The following PXK variants were observed in gnomAD, a reference collection of about 807,000 sequenced individuals.
PXK encodes the protein PX domain containing serine/threonine kinase like, also known as PX domain-containing protein kinase-like protein.
PXK carries 35 observed loss-of-function variants against 84.7 expected under a neutral mutation model. That is an observed-to-expected ratio of 0.41 (90% confidence interval 0.32 to 0.55). The LOEUF (loss-of-function observed/expected upper bound fraction) is 0.55. Among genes scored for constraint, PXK ranks in the 20% least tolerant of loss-of-function variants. The pLI is 0.21. For missense variants in PXK, 634 were observed against 699.7 expected (o/e 0.91, Z 1.06); for synonymous variants, 253 against 260.8 (o/e 0.97, Z 0.29).
In PXK at chr3:58,400,101, G is replaced by T. The variant is rs144416192; in HGVS notation, c.1181+724G>T. Among the ~76,000 whole-genome samples the T allele has an allele frequency of 6.6e-6, 1 of 152,016 alleles. No individual in the cohort carries two copies. The highest frequency in any genetic ancestry group is 2.4e-5 in the African/African-American group (1 of 41,372). On this transcript the variant is annotated intron_variant, in intron 12 of 17. Coordinates refer to ENST00000356151, the MANE Select transcript of PXK (RefSeq NM_017771.5). This position sits in a 1 kb window ranked among gnomAD's most constrained non-coding sequence, Gnocchi z 4.0. ...TTCCAGCTTCACCACTTCTACCTGG[G>T]TGACCTTAGACAAATTTCCTAACCT...
At chr3:58,387,066 T>C (rs554875674) in intron 4 of PXK, among the ~76,000 whole-genome samples, 156 of 152,314 alleles carry the variant, frequency 1.0e-3, no homozygotes, top group African/African-American at 3.3e-3. Flanking sequence ...AGTCAGTGTT[T>C]GTTCCCTGCA....
At chr3:58,337,659 G>T (rs1411881601) in intron 1 of PXK, among the ~76,000 whole-genome samples, 1 of 151,974 alleles carries the variant, frequency 6.6e-6, no homozygotes, top group Admixed American at 6.6e-5. Context: ...TAGTAGAGAT[G>T]GTGTCTTGCT....
At chr3:58,424,041 C>A (rs1189889027) in intron 17 of PXK, among the ~76,000 whole-genome samples, 1 of 152,182 alleles carries the variant, frequency 6.6e-6, no homozygotes, top group Non-Finnish European at 1.5e-5. Flanking sequence ...GAGAACAGTA[C>A]TTGAGAAGGA....
chr3:58,345,874 G>A (rs531300213), intron 1 of PXK, among the ~76,000 whole-genome samples: 3 of 152,292 alleles, frequency 2.0e-5, no homozygotes, highest in African/African-American at 7.2e-5. Context: ...ACCTTCTGGG[G>A]CACCTCGTTG....
chr3:58,384,887 G>A (rs1176951031), intron 4 of PXK, among the ~76,000 whole-genome samples: 1 of 152,140 alleles, frequency 6.6e-6, no homozygotes, highest in African/African-American at 2.4e-5. Context: ...GAGCTAAAAG[G>A]GATCTTAGAG....
Position 58,333,253 on chromosome 3 carries a change from A to G in PXK, c.102+163A>G. On this transcript the variant is annotated intron_variant, in intron 1 of 17. Coordinates refer to ENST00000356151, the MANE Select transcript of PXK (RefSeq NM_017771.5). The surrounding 1 kb of genome is among the most constrained non-coding windows in gnomAD (Gnocchi z 5.4). Reference sequence around the variant, plus strand: ...TGTGGCGCGCCGCTGGGTCTGGGTCAGGGCCCCTGGGGCCCAGGCGAACGC... The same window carrying G: ...TGTGGCGCGCCGCTGGGTCTGGGTCGGGGCCCCTGGGGCCCAGGCGAACGC... 1 of 313,886 alleles carries G rather than the reference A, an allele frequency of 3.2e-6. No individual in the cohort carries two copies. The allele number at this position is 313,886 out of a possible 1,614,324, so 19.4% of individuals were successfully genotyped here.
intron 1 of PXK, among the ~76,000 whole-genome samples, chr3:58,334,546 A>T (rs1015343587): frequency 1.3e-5 from 2 of 152,190 alleles, no homozygotes; most frequent in Non-Finnish European, 2.9e-5. Flanking sequence ...TTTATTTTGT[A>T]TTGAAAATAA....
At chr3:58,373,150 T>G (rs1255187348) in intron 3 of PXK, among the ~76,000 whole-genome samples, 1 of 150,700 alleles carries the variant, frequency 6.6e-6, no homozygotes, top group African/African-American at 2.4e-5. Flanking sequence ...GCATCTCTGC[T>G]CACTGCAAGC....
intron 1 of PXK, among the ~76,000 whole-genome samples, chr3:58,356,682 C>T (rs2098087031): frequency 6.6e-6 from 1 of 151,810 alleles, no homozygotes; most frequent in African/African-American, 2.4e-5. Context: ...CGGCTCACCA[C>T]AACCTCCGCC....
In PXK at chr3:58,362,459, C is replaced by T. The variant is rs189488604; in HGVS notation, c.103-3415C>T. Among the ~76,000 whole-genome samples the T allele has an allele frequency of 2.0e-5, 3 of 152,306 alleles. No individual in the cohort carries two copies. In the East Asian group the frequency reaches 5.8e-4, roughly 29 times the overall value. On this transcript the variant is annotated intron_variant, in intron 1 of 17. Transcript: ENST00000356151. ...TCTGACACGTGAAAGTAATACAACACATGAATCTTAGGTTGAGGTTCATTT... is the reference window on the plus strand; with the variant it reads ...TCTGACACGTGAAAGTAATACAACATATGAATCTTAGGTTGAGGTTCATTT...
At chr3:58,394,167 A>G (rs1419295041) in intron 7 of PXK, among the ~76,000 whole-genome samples, 3 of 152,112 alleles carry the variant, frequency 2.0e-5, no homozygotes, top group South Asian at 2.1e-4. Flanking sequence ...CCACCCCCCA[A>G]CCTGCTGCAT....
At chr3:58,350,442 T>A (rs963882179) in intron 1 of PXK, among the ~76,000 whole-genome samples, 1 of 152,266 alleles carries the variant, frequency 6.6e-6, no homozygotes, top group South Asian at 2.1e-4. Context: ...CCCTGTCAGC[T>A]TCCCCCTGAC....
At chr3:58,423,978 G>A (rs538111475) in intron 17 of PXK, among the ~76,000 whole-genome samples, 3 of 152,226 alleles carry the variant, frequency 2.0e-5, no homozygotes, top group Non-Finnish European at 2.9e-5. Context: ...CTGATGCTTC[G>A]TCAAAGACAT....
At position 58,421,486 on chromosome 3, in the gene PXK, C is replaced by T; in HGVS notation, c.1529-3266C>T. On this transcript the variant is annotated intron_variant, in intron 17 of 17. Coordinates refer to ENST00000356151, the MANE Select transcript of PXK (RefSeq NM_017771.5). This position sits in a 1 kb window ranked among gnomAD's most constrained non-coding sequence, Gnocchi z 5.5. ...ATCCCAGCTACTCGGGAGGCTGAGGCAGAGAATCACTTGAACCCGGGAGGC... is the reference window on the plus strand; with the variant it reads ...ATCCCAGCTACTCGGGAGGCTGAGGTAGAGAATCACTTGAACCCGGGAGGC... 2 of 823,222 alleles carry T rather than the reference C, an allele frequency of 2.4e-6. No homozygotes were observed. Among genetic ancestry groups the T allele is most frequent in the Non-Finnish European group, 2.9e-6 (2 of 680,796 alleles). 51.0% of individuals were successfully genotyped at this position (823,222 alleles called of 1,614,324 possible). A position where few individuals can be genotyped will look rare whatever the true frequency, so the allele number is the denominator to read the frequency against.
intron 17 of PXK, 126 bp downstream of exon 17, chr3:58,413,089 C>A: frequency 1.0e-6 from 1 of 970,328 alleles, no homozygotes; most frequent in Non-Finnish European, 1.6e-6. Context: ...CAAGAGAAAT[C>A]AGTGGGAGTG....
intron 7 of PXK, 68 bp from the exon 8 acceptor site, chr3:58,394,930 A>G: frequency 8.3e-7 from 1 of 1,203,396 alleles, no homozygotes; most frequent in Non-Finnish European, 1.2e-6. Flanking sequence ...CTGCATAACC[A>G]GATCCTGTAT....
At chr3:58,344,114 T>C (rs893268445) in intron 1 of PXK, among the ~76,000 whole-genome samples, 1 of 152,182 alleles carries the variant, frequency 6.6e-6, no homozygotes, top group Non-Finnish European at 1.5e-5. Context: ...AGTTTCTTCA[T>C]CTGTAAAGTG....
At chr3:58,394,970 A>C (rs1266148415) in intron 7 of PXK, 28 bp from the exon 8 acceptor site, 2 of 1,537,756 alleles carry the variant, frequency 1.3e-6, no homozygotes. Context: ...GACGCAAATC[A>C]ATGTGAATTT....
intron 2 of PXK, among the ~76,000 whole-genome samples, chr3:58,368,350 T>G (rs1356762068): frequency 6.6e-6 from 1 of 150,928 alleles, no homozygotes; most frequent in Admixed American, 6.6e-5. Context: ...TTAGACAGAG[T>G]CTCATTCTGT....
Sources: gnomAD v4.1 joint callset for allele counts (sites outside exome capture counted in the v4.1 genomes callset) on GRCh38, gnomAD v4.1.1 for gene constraint, Gnocchi (gnomAD v3.1) non-coding constraint, MANE v1.5 for transcripts, NCBI Gene and HGNC (gene_info 2026-07-23, HGNC 2026-07-21) for gene names.